Variants in RNPEP observed in about 807,000 individuals in gnomAD.
The protein encoded by RNPEP is aminopeptidase B.
RNPEP carries 57 observed loss-of-function variants against 70.1 expected under a neutral mutation model. The observed-to-expected ratio is 0.81, with a 90% CI of 0.66 to 1.01. The LOEUF (loss-of-function observed/expected upper bound fraction) is 1.01. Among genes scored for constraint, RNPEP ranks in the 50% least tolerant of loss-of-function variants. RNPEP has a pLI of 0.00. For synonymous variants in RNPEP, 335 were observed against 357.4 expected, an observed-to-expected ratio of 0.94 and a Z score of 0.71; for missense variants, 787 against 852.4, an observed-to-expected ratio of 0.92 and a Z score of 0.96.
At position 201,997,404 on chromosome 1, in the gene RNPEP, G is replaced by C. The variant is rs749978824; in HGVS notation, c.940G>C (p.Ala314Pro). The stretch of plus-strand genomic sequence containing the variant: ...GACCTTTGTCACCCCCTGCCTGCTA[G>C]CTGGGGACCGCTCCTTGGCAGATGT... ...CLTFVTPCLLAGDRSLADVII... is the reference protein window; with the variant it reads ...CLTFVTPCLLPGDRSLADVII... The change falls in exon 5 of 11, where the codon GCT becomes CCT. Residue 314 changes from alanine to proline, a missense_variant. Transcript: ENST00000295640. 5 of 1,614,132 alleles carry C rather than the reference G, an allele frequency of 3.1e-6. No individual in the cohort carries two copies. In the Admixed American group the frequency reaches 8.3e-5, roughly 27 times the overall value.
rs533408379 is a variant in RNPEP at position 202,001,295 on chromosome 1, C to A, written c.1205-81C>A. 2.1e-5 allele frequency: 21 copies of A among 978,090 alleles called. No individual in the cohort carries two copies. In the South Asian group the frequency reaches 2.4e-4, roughly 11 times the overall value. 60.6% of individuals were successfully genotyped at this position (978,090 alleles called of 1,614,324 possible). A position where few individuals can be genotyped will look rare whatever the true frequency, so the allele number is the denominator to read the frequency against. ...AATTCTGATCTCTTCCATCGCTAGT[C>A]TTTGACTGTGGAGCTAGAGAAGAAC... On this transcript the variant is annotated intron_variant, in intron 6 of 10. Coordinates refer to ENST00000295640, the MANE Select transcript of RNPEP (RefSeq NM_020216.4).
In RNPEP at chr1:201,996,279, G is replaced by T; in HGVS notation, c.854+16G>T. 6.6e-7 allele frequency: 1 copy of T among 1,511,966 alleles called. No individual in the cohort carries two copies. Among genetic ancestry groups the T allele is most frequent in the South Asian group, 1.1e-5 (1 of 88,940 alleles). 93.7% of individuals were successfully genotyped at this position (1,511,966 alleles called of 1,614,324 possible). A position where few individuals can be genotyped will look rare whatever the true frequency, so the allele number is the denominator to read the frequency against. On this transcript the variant is annotated intron_variant, in intron 4 of 10. Transcript: ENST00000295640. ...TTTGGGGAAGGTGTGGTATCACATT[G>T]ACTCTAGTGTCTCCTGTTAAACTGA...
At position 202,001,376 on chromosome 1, in the gene RNPEP, G is replaced by C; in HGVS notation, c.1205G>C (p.Gly402Ala). Residue 402 changes from glycine (G) to alanine (A), a missense_variant and splice_region_variant, in exon 7 of 11, where the codon GGC (glycine) becomes GCC (alanine). By Grantham distance (60) the Gly-to-Ala change is moderately conservative. Transcript: ENST00000295640. Reference sequence around the variant, plus strand: ...TCTTGTCTGCTTTCTCCTCTGCCAGGCGTTGACCCGGACGACACCTATAAT... The same window carrying C: ...TCTTGTCTGCTTTCTCCTCTGCCAGCCGTTGACCCGGACGACACCTATAAT... Reference protein sequence around the residue: ...LNKLRVKIEPGVDPDDTYNET... With the variant: ...LNKLRVKIEPAVDPDDTYNET... 6.2e-7 allele frequency: 1 copy of C among 1,610,258 alleles called. No homozygotes were observed. The highest frequency in any genetic ancestry group is 8.5e-7 in the Non-Finnish European group (1 of 1,176,544).
chr1:201,990,155 A>T (rs192697884), intron 3 of RNPEP, among the ~76,000 whole-genome samples: 42 of 152,252 alleles, frequency 2.8e-4, no homozygotes, highest in Admixed American at 6.5e-4. Context: ...TGGGAAATGG[A>T]TCTTTATTAA....
At position 202,001,463 on chromosome 1, in the gene RNPEP, A is replaced by G. The variant is rs776788110; in HGVS notation, c.1292A>G (p.Gln431Arg). ...VSYLAHLVGD[Q>R]DQFDSFLKAY... ...TACCTGGCCCACTTGGTGGGTGATCAGGATCAGTTTGACAGTTTTCTCAAG... is the reference window on the plus strand; with the variant it reads ...TACCTGGCCCACTTGGTGGGTGATCGGGATCAGTTTGACAGTTTTCTCAAG... Residue 431 changes from glutamine to arginine, a missense_variant, in exon 7 of 11, where the codon CAG (glutamine) becomes CGG (arginine). Gln to Arg is a conservative substitution (Grantham distance 43, BLOSUM62 1). Coordinates refer to ENST00000295640, the MANE Select transcript of RNPEP (RefSeq NM_020216.4). 37 of 1,613,000 alleles carry G rather than the reference A, an allele frequency of 2.3e-5. No individual in the cohort carries two copies. The South Asian group carries it at 4.1e-4, about 18-fold the overall frequency.
chr1:201,984,825 T>TTTCTTTTTC lies in RNPEP; in HGVS notation c.447+1714_447+1715insCTTTTTCTT, dbSNP rs1353855305. Among the ~76,000 whole-genome samples the TTTCTTTTTC allele has an allele frequency of 6.8e-3, 44 of 6,458 alleles. 2 individuals carry two copies. Among genetic ancestry groups the TTTCTTTTTC allele is most frequent in the South Asian group, 8.3e-3 (1 of 120 alleles). 4.2% of individuals were successfully genotyped at this position (6,458 alleles called of 152,430 possible). On this transcript the variant is annotated intron_variant, in intron 1 of 10. Coordinates refer to ENST00000295640, the MANE Select transcript of RNPEP (RefSeq NM_020216.4). ...TGCTAACTTTTGTATTTCTTTCTTT[T>TTTCTTTTTC]TTTTTTTTTTTTTTTTTTTTTTTTT...
At chr1:201,985,987 G>C (rs755518091) in intron 1 of RNPEP, among the ~76,000 whole-genome samples, 2 of 152,122 alleles carry the variant, frequency 1.3e-5, no homozygotes, top group African/African-American at 2.4e-5. Flanking sequence ...GCAGTGAGTG[G>C]CACAATCATG....
intron 2 of RNPEP, 64 bp from the exon 3 acceptor site, chr1:201,989,319 T>C: frequency 6.3e-7 from 1 of 1,577,762 alleles, no homozygotes; most frequent in South Asian, 1.2e-5. Flanking sequence ...GTCATGCTCT[T>C]ATTCAAACTA....
At chr1:201,998,007 A>C (rs1226167677) in intron 5 of RNPEP, among the ~76,000 whole-genome samples, 1 of 151,516 alleles carries the variant, frequency 6.6e-6, no homozygotes. Flanking sequence ...AGGTGATCCA[A>C]CCTCCTCGGC....
Position 201,984,829 on chromosome 1 carries a change from T to C in RNPEP, c.447+1716T>C, listed in dbSNP as rs1029561583. On this transcript the variant is annotated intron_variant, in intron 1 of 10. Coordinates refer to ENST00000295640, the MANE Select transcript of RNPEP (RefSeq NM_020216.4). ...AACTTTTGTATTTCTTTCTTTTTTT[T>C]TTTTTTTTTTTTTTTTTTTTTTTTT... is the stretch of plus-strand genomic sequence containing the variant. Among the ~76,000 whole-genome samples, 35 of 12,872 alleles carry C rather than the reference T, an allele frequency of 2.7e-3. 1 individual carries two copies. Among genetic ancestry groups the C allele is most frequent in the Non-Finnish European group, 5.2e-3 (23 of 4,422 alleles). 8.4% of individuals were successfully genotyped at this position (12,872 alleles called of 152,430 possible). A position where few individuals can be genotyped will look rare whatever the true frequency, so the allele number is the denominator to read the frequency against.
chr1:201,990,416 A>ACTTT lies in RNPEP; in HGVS notation c.737+885_737+886insCTTT, dbSNP rs1263624623. Among the ~76,000 whole-genome samples, 1,209 of 152,352 alleles carry ACTTT rather than the reference A, an allele frequency of 7.9e-3. 14 individuals are homozygous for ACTTT. The highest frequency in any genetic ancestry group is 0.028 in the African/African-American group (1,149 of 41,582). On this transcript the variant is annotated intron_variant, in intron 3 of 10. Transcript: ENST00000295640. ...AAAAGGGATTTTGTAAGGTTTCCTG[A>ACTTT]TAAAAGAGGTTTGACCAGGAGTATA...
chr1:201,997,608 G>A (rs1051702094), intron 5 of RNPEP, 54 bp downstream of exon 5: 6 of 1,407,690 alleles, frequency 4.3e-6, no homozygotes, highest in Non-Finnish European at 5.0e-6. Flanking sequence ...TAACCTGTGG[G>A]GCCAGTGTGA....
chr1:201,983,404 T>A (rs915976642), intron 1 of RNPEP: 1 of 1,493,050 alleles, frequency 6.7e-7, no homozygotes, highest in Admixed American at 2.0e-5. Flanking sequence ...TTGTCCAGAT[T>A]GCGCCGCATT....
At chr1:201,997,144 C>T (rs980112051) in intron 4 of RNPEP, among the ~76,000 whole-genome samples, 175 bp from the exon 5 acceptor site, 20 of 150,968 alleles carry the variant, frequency 1.3e-4, no homozygotes, top group African/African-American at 4.6e-4. Context: ...AGGGGAGCCA[C>T]GTGGGAGAAG....
intron 3 of RNPEP, 195 bp from the exon 4 acceptor site, chr1:201,995,952 T>C (rs1558263810): frequency 8.8e-6 from 5 of 570,954 alleles, no homozygotes; most frequent in Non-Finnish European, 1.6e-5. Flanking sequence ...GAGGCTGTCT[T>C]GGGTTCTTGT....
Position 201,997,477 on chromosome 1 carries a change from A to C in RNPEP, c.1013A>C (p.Asn338Thr). The change falls in exon 5 of 11, where the codon AAC becomes ACC. Residue 338 changes from asparagine (N) to threonine (T), a missense_variant. Asn to Thr is a moderately conservative substitution (Grantham distance 65). Coordinates refer to ENST00000295640, the MANE Select transcript of RNPEP (RefSeq NM_020216.4). The stretch of plus-strand genomic sequence containing the variant: ...AGTTGGTTTGGGAACCTGGTCACCA[A>C]CGCCAACTGGGGTGAATTCTGGCTC... ...SHSWFGNLVT[N>T]ANWGEFWLNE... 1 of 1,614,084 alleles carries C rather than the reference A, an allele frequency of 6.2e-7. No individual in the cohort carries two copies. Among genetic ancestry groups the C allele is most frequent in the Non-Finnish European group, 8.5e-7 (1 of 1,180,014 alleles).
intron 8 of RNPEP, among the ~76,000 whole-genome samples, chr1:202,002,606 G>A (rs1033846028): frequency 1.3e-5 from 2 of 152,186 alleles, no homozygotes; most frequent in African/African-American, 2.4e-5. Flanking sequence ...TGAAGTCCGC[G>A]TCCTCTGACA....
intron 6 of RNPEP, chr1:202,000,230 G>C: frequency 2.1e-6 from 1 of 472,758 alleles, no homozygotes; most frequent in South Asian, 3.4e-5. Flanking sequence ...TGTGCGGTTC[G>C]TGATGACTTC....
Position 202,004,289 on chromosome 1 carries a change from A to G in RNPEP, c.1652-65A>G, listed in dbSNP as rs1051453431. ...GTGATCCGCCCACCTCAGCCTCCCA[A>G]AATTCTAGTATTACAGGTGTGACCC... On this transcript the variant is annotated intron_variant, in intron 9 of 10. Transcript: ENST00000295640. 7.6e-6 allele frequency: 12 copies of G among 1,582,356 alleles called. 1 individual carries two copies. In the Admixed American group the frequency reaches 1.6e-4, roughly 21 times the overall value.
Sources: allele counts gnomAD v4.1 joint callset (sites outside exome capture counted in the v4.1 genomes callset), GRCh38; gene constraint gnomAD v4.1.1; transcripts MANE v1.5; gene names NCBI Gene and HGNC (gene_info 2026-07-23, HGNC 2026-07-21).